The following THADA variants were observed in gnomAD, a reference collection of about 807,000 sequenced individuals.
The protein encoded by THADA is THADA armadillo repeat containing.
A neutral mutation model predicts 219.8 loss-of-function variants in THADA; 213 were observed. The observed-to-expected ratio is 0.97, with a 90% CI of 0.87 to 1.09. The LOEUF (loss-of-function observed/expected upper bound fraction) is 1.09. THADA is among the 50% of genes least tolerant of loss of function. THADA has a pLI of 0.00. For synonymous variants in THADA, 1,018 were observed against 828.9 expected (o/e 1.23, Z -3.92); for missense variants, 2,956 against 2,311.3 (o/e 1.28, Z -5.72).
chr2:43,500,196 T>C lies in THADA; in HGVS notation c.3622-1241A>G, dbSNP rs140477943. On this transcript the variant is annotated intron_variant, in intron 24 of 37. Coordinates refer to ENST00000405975, the MANE Select transcript of THADA (RefSeq NM_022065.5). ...ATGTATGGTCTCATTTATGTAAAAC[T>C]CAAAAAAAAGATAAAACTAAAACTA... Among the ~76,000 whole-genome samples the C allele has an allele frequency of 2.4e-3, 363 of 151,932 alleles. 1 individual carries two copies. Among genetic ancestry groups the C allele is most frequent in the African/African-American group, 8.7e-3 (359 of 41,430 alleles).
chr2:43,583,883 A>G (rs1157747561), intron 7 of THADA, among the ~76,000 whole-genome samples: 1 of 151,974 alleles, frequency 6.6e-6, no homozygotes, highest in Non-Finnish European at 1.5e-5. Context: ...TTTCTACCAA[A>G]AATATAAAAA....
chr2:43,248,156 TATATATATAGAGAGAGAGAGAGAGAG>T (rs1165883824), intron 36 of THADA, among the ~76,000 whole-genome samples: 84 of 76,042 alleles, frequency 1.1e-3, no homozygotes, highest in African/African-American at 1.3e-3. Flanking sequence ...TATATATATA[TATATATATAGAGAGAGAGAGAGAGAG>T]AGAGAGAGAG....
intron 28 of THADA, among the ~76,000 whole-genome samples, chr2:43,400,210 G>A (rs541797171): frequency 1.3e-5 from 2 of 152,072 alleles, no homozygotes; most frequent in Non-Finnish European, 2.9e-5. Context: ...CCATACAAGA[G>A]GAAGGATGGA....
At chr2:43,503,055 A>T (rs968741150) in intron 24 of THADA, among the ~76,000 whole-genome samples, 1 of 152,188 alleles carries the variant, frequency 6.6e-6, no homozygotes, top group Non-Finnish European at 1.5e-5. Flanking sequence ...AAAGTCAAAA[A>T]CTGTAAAAGT....
At chr2:43,556,122 A>G in intron 17 of THADA, 2 of 993,380 alleles carry the variant, frequency 2.0e-6, no homozygotes, top group Non-Finnish European at 2.6e-6. Flanking sequence ...TTATTAATAA[A>G]TATTTGTATA....
chr2:43,520,271 T>C (rs1692238949), intron 22 of THADA, among the ~76,000 whole-genome samples: 1 of 152,222 alleles, frequency 6.6e-6, no homozygotes, highest in Non-Finnish European at 1.5e-5. Context: ...TATTTGGCTA[T>C]CTTGTCGAAT....
At chr2:43,468,345 C>T (rs993453855) in intron 26 of THADA, among the ~76,000 whole-genome samples, 23 of 152,126 alleles carry the variant, frequency 1.5e-4, no homozygotes, top group African/African-American at 3.1e-4. Flanking sequence ...ATGAATACAA[C>T]GCTTTGAAAC....
chr2:43,410,985 C>A (rs1237140986), intron 28 of THADA, among the ~76,000 whole-genome samples: 1 of 152,212 alleles, frequency 6.6e-6, no homozygotes, highest in Non-Finnish European at 1.5e-5. Context: ...CAAGTCTTCT[C>A]TTCCTCAGAT....
intron 28 of THADA, among the ~76,000 whole-genome samples, chr2:43,408,618 A>G (rs150916089): frequency 4.6e-5 from 7 of 152,298 alleles, no homozygotes; most frequent in African/African-American, 1.7e-4. Context: ...GACATCCTCA[A>G]ATTAAAATAT....
chr2:43,515,318 TTA>T (rs1691528239), intron 22 of THADA, among the ~76,000 whole-genome samples: 2 of 52,290 alleles, frequency 3.8e-5, no homozygotes, highest in South Asian at 5.0e-4. Flanking sequence ...ATATAATATT[TTA>T]TATATAATAT....
chr2:43,561,105 G>C (rs1012188528), intron 15 of THADA, among the ~76,000 whole-genome samples: 3 of 150,874 alleles, frequency 2.0e-5, no homozygotes, highest in African/African-American at 7.3e-5. Context: ...TATCCTGATA[G>C]ACTTACTGGG....
intron 31 of THADA, among the ~76,000 whole-genome samples, chr2:43,296,212 C>T (rs918752691): frequency 1.3e-5 from 2 of 151,822 alleles, no homozygotes; most frequent in South Asian, 2.1e-4. Context: ...CCACCGTGCC[C>T]GGCCATACCG....
intron 22 of THADA, among the ~76,000 whole-genome samples, chr2:43,525,147 T>G (rs974351570): frequency 6.6e-6 from 1 of 152,214 alleles, no homozygotes; most frequent in African/African-American, 2.4e-5. Flanking sequence ...AACCATTCCC[T>G]CTTTCAACTT....
At chr2:43,420,044 C>T (rs1677498295) in intron 28 of THADA, among the ~76,000 whole-genome samples, 1 of 152,220 alleles carries the variant, frequency 6.6e-6, no homozygotes, top group South Asian at 2.1e-4. Context: ...CTCTCCATCA[C>T]AATCTTCCCC....
intron 24 of THADA, among the ~76,000 whole-genome samples, 177 bp downstream of exon 24, chr2:43,505,445 G>A (rs1689539723): frequency 1.3e-5 from 2 of 152,080 alleles, no homozygotes; most frequent in Non-Finnish European, 2.9e-5. Flanking sequence ...TAAAACAACT[G>A]CAGGCGGCTG....
At chr2:43,420,133 T>C (rs550136308) in intron 28 of THADA, among the ~76,000 whole-genome samples, 1 of 152,312 alleles carries the variant, frequency 6.6e-6, no homozygotes, top group East Asian at 1.9e-4. Context: ...GTCCCTGAGA[T>C]GGCAGACTGA....
intron 7 of THADA, among the ~76,000 whole-genome samples, chr2:43,583,275 C>T (rs1700654314): frequency 6.6e-6 from 1 of 152,082 alleles, no homozygotes; most frequent in African/African-American, 2.4e-5. Flanking sequence ...TCCTTGCCAC[C>T]TCTCCTCTCC....
chr2:43,511,415 G>C (rs1690429208), intron 22 of THADA, among the ~76,000 whole-genome samples: 2 of 152,206 alleles, frequency 1.3e-5, no homozygotes, highest in South Asian at 4.1e-4. Flanking sequence ...TCTGGAATGA[G>C]AGTAGAACAT....
intron 8 of THADA, among the ~76,000 whole-genome samples, chr2:43,580,024 CTT>C (rs34171011): frequency 1.4e-4 from 17 of 122,808 alleles, no homozygotes; most frequent in East Asian, 2.3e-4. Flanking sequence ...AAAGCTACTT[CTT>C]TTTTTTTTTT....
Sources: allele counts gnomAD v4.1 joint callset (sites outside exome capture counted in the v4.1 genomes callset), GRCh38; gene constraint gnomAD v4.1.1; transcripts MANE v1.5; gene names NCBI Gene and HGNC (gene_info 2026-07-23, HGNC 2026-07-21).